Variants in FAM114A1 observed in about 807,000 individuals in gnomAD.
FAM114A1 encodes the protein protein NOXP20.
In FAM114A1, 62 loss-of-function variants were observed where a neutral mutation model predicts 64.3. The ratio of observed to expected loss-of-function variants is 0.96; its 90% CI spans 0.79 to 1.19. FAM114A1 has a LOEUF of 1.19. FAM114A1 is among the 50% of genes most tolerant of loss of function. The pLI is 0.00. For synonymous variants in FAM114A1, 254 were observed against 251.1 expected (o/e 1.01, Z -0.11); for missense variants, 645 against 676.3 (o/e 0.95, Z 0.51).
chr4:38,941,045 T>C, intron 14 of FAM114A1, 24 bp downstream of exon 14: 1 of 1,603,202 alleles, frequency 6.2e-7, no homozygotes. Context: ...GGAGAGAAAG[T>C]GCTTCTGAAT....
At chr4:38,888,053 A>G (rs1047409388) in intron 3 of FAM114A1, among the ~76,000 whole-genome samples, 4 of 152,234 alleles carry the variant, frequency 2.6e-5, no homozygotes, top group African/African-American at 4.8e-5. Flanking sequence ...AGATAAGTAC[A>G]TATGTTTTCC....
chr4:38,912,441 A>G (rs551073242), intron 7 of FAM114A1, among the ~76,000 whole-genome samples: 3 of 151,624 alleles, frequency 2.0e-5, no homozygotes, highest in Admixed American at 6.6e-5. Flanking sequence ...CTGGAGTGCA[A>G]TGGCGCAATC....
chr4:38,900,131 A>G (rs1285002498), intron 4 of FAM114A1, among the ~76,000 whole-genome samples: 1 of 152,142 alleles, frequency 6.6e-6, no homozygotes, highest in East Asian at 1.9e-4. Context: ...AATGCTAATC[A>G]AAACTATGAT....
At chr4:38,898,918 A>G (rs576144416) in intron 4 of FAM114A1, among the ~76,000 whole-genome samples, 2 of 147,826 alleles carry the variant, frequency 1.4e-5, no homozygotes, top group Admixed American at 6.8e-5. Flanking sequence ...TGAGTAATAT[A>G]TATGTTATAT....
chr4:38,881,800 T>C (rs1715299006), intron 3 of FAM114A1, among the ~76,000 whole-genome samples: 2 of 152,194 alleles, frequency 1.3e-5, no homozygotes, highest in African/African-American at 2.4e-5. Flanking sequence ...GAAATCATTT[T>C]GCACTGATGA....
intron 4 of FAM114A1, among the ~76,000 whole-genome samples, chr4:38,894,720 AGT>A (rs1208833365): frequency 1.3e-5 from 2 of 152,192 alleles, no homozygotes; most frequent in East Asian, 3.8e-4. Flanking sequence ...TTTCTCTGAG[AGT>A]GTATGACATT....
Position 38,891,772 on chromosome 4 carries a change from A to G in FAM114A1, c.378A>G (p.Gly126=), listed in dbSNP as rs777848114. The change falls in exon 4 of 15, where the codon GGA becomes GGG. Residue 126 remains glycine, a synonymous_variant. Transcript: ENST00000358869. The part of the protein sequence containing the change: ...LAVDSPPSGG[G]WAGWGSWGKS... ...TGGATTCCCCTCCAAGTGGAGGAGG[A>G]TGGGCAGGCTGGGGATCCTGGGGCA... 2 of 1,612,146 alleles carry G rather than the reference A, an allele frequency of 1.2e-6. No individual in the cohort carries two copies. Among genetic ancestry groups the G allele is most frequent in the South Asian group, 1.1e-5 (1 of 90,756 alleles).
chr4:38,894,870 A>G (rs975678986), intron 4 of FAM114A1, among the ~76,000 whole-genome samples: 2 of 152,212 alleles, frequency 1.3e-5, no homozygotes, highest in Non-Finnish European at 2.9e-5. Context: ...CCGTGGGTCA[A>G]GAGTTCAGGT....
chr4:38,874,512 T>C (rs1171403105), intron 2 of FAM114A1, among the ~76,000 whole-genome samples: 1 of 152,140 alleles, frequency 6.6e-6, no homozygotes, highest in Non-Finnish European at 1.5e-5. Flanking sequence ...TTTTAATGGT[T>C]TTTGTTTTGT....
chr4:38,924,952 A>G (rs1719970833), intron 9 of FAM114A1, among the ~76,000 whole-genome samples: 1 of 152,220 alleles, frequency 6.6e-6, no homozygotes, highest in Non-Finnish European at 1.5e-5. Flanking sequence ...CATCAAGGAG[A>G]TATTGTTGCC....
chr4:38,904,388 C>A (rs545591478), intron 4 of FAM114A1, among the ~76,000 whole-genome samples: 3 of 152,176 alleles, frequency 2.0e-5, no homozygotes, highest in Non-Finnish European at 4.4e-5. Context: ...AGACTATGTC[C>A]GTATCAGGTC....
chr4:38,904,110 T>G (rs55938245), intron 4 of FAM114A1, among the ~76,000 whole-genome samples: 23,103 of 152,188 alleles, frequency 0.15, 2,307 homozygotes, highest in Middle Eastern at 0.35. Flanking sequence ...ACTTGGGACG[T>G]TTTTCCTCAT....
At chr4:38,872,866 T>A (rs7667913) in intron 2 of FAM114A1, among the ~76,000 whole-genome samples, 30,995 of 152,236 alleles carry the variant, frequency 0.2, 3,973 homozygotes, top group Non-Finnish European at 0.28. Context: ...GGTGTATCTC[T>A]GGTCCAATAA....
At chr4:38,941,566 C>T (rs948739734) in intron 14 of FAM114A1, among the ~76,000 whole-genome samples, 3 of 152,182 alleles carry the variant, frequency 2.0e-5, no homozygotes, top group African/African-American at 7.2e-5. Context: ...TGATATAAAG[C>T]TGCCCCAACC....
rs768136264 is a variant in FAM114A1, at chr4:38,905,716, G to C, written c.551-39G>C. 4.4e-6 allele frequency: 7 copies of C among 1,609,166 alleles called. No individual in the cohort carries two copies. In the African/African-American group the frequency reaches 8.0e-5, roughly 18 times the overall value. On this transcript the variant is annotated intron_variant, in intron 5 of 14. Transcript: ENST00000358869. Reference sequence around the variant, plus strand: ...TCAGAGGTTTTCCAAGTTCAGATCAGCGACGTGAACTCTTAAAGGATTTCT... The same window carrying C: ...TCAGAGGTTTTCCAAGTTCAGATCACCGACGTGAACTCTTAAAGGATTTCT...
At chr4:38,920,914 A>G (rs1477380034) in intron 8 of FAM114A1, among the ~76,000 whole-genome samples, 2 of 152,146 alleles carry the variant, frequency 1.3e-5, no homozygotes, top group African/African-American at 4.8e-5. Context: ...TGTGTTGATG[A>G]CTTCCTGCAG....
chr4:38,936,421 A>G (rs1046754630), intron 13 of FAM114A1, among the ~76,000 whole-genome samples: 17 of 150,130 alleles, frequency 1.1e-4, no homozygotes, highest in Admixed American at 1.1e-3. Flanking sequence ...GTGTCAGATG[A>G]AGGTTCCTTT....
chr4:38,935,797 T>G lies in FAM114A1; in HGVS notation c.1536+7T>G. 1.2e-6 allele frequency: 2 copies of G among 1,600,780 alleles called. No homozygotes were observed. The highest frequency in any genetic ancestry group is 1.7e-6 in the Non-Finnish European group (2 of 1,170,108). ...TTCTTTAACCACTGTTGGGGTAAGA[T>G]TACAGTCTTGAATTTTTTTCACCTT... On this transcript the variant is annotated splice_region_variant and intron_variant, in intron 13 of 14. Coordinates refer to ENST00000358869, the MANE Select transcript of FAM114A1 (RefSeq NM_138389.4).
At chr4:38,925,289 A>G (rs1294789497) in intron 9 of FAM114A1, among the ~76,000 whole-genome samples, 5 of 152,274 alleles carry the variant, frequency 3.3e-5, no homozygotes, top group Admixed American at 3.3e-4. Flanking sequence ...TAATAAATAA[A>G]TGTCCTTCAG....
Sources: allele counts gnomAD v4.1 joint callset (sites outside exome capture counted in the v4.1 genomes callset), GRCh38; gene constraint gnomAD v4.1.1; transcripts MANE v1.5; gene names NCBI Gene and HGNC (gene_info 2026-07-23, HGNC 2026-07-21).